Variants in NDUFAF2 observed in about 807,000 individuals in gnomAD.
NDUFAF2 encodes NADH:ubiquinone oxidoreductase complex assembly factor 2.
In NDUFAF2, 13 loss-of-function variants were observed where a neutral mutation model predicts 22.8. That is an observed-to-expected ratio of 0.57 (90% CI 0.37 to 0.91). The LOEUF is 0.91. Among genes scored for constraint, NDUFAF2 ranks in the 40% least tolerant of loss-of-function variants. The pLI, the probability that NDUFAF2 is intolerant of heterozygous loss-of-function variation, is 0.01. For missense variants in NDUFAF2, 162 were observed against 195.2 expected (o/e 0.83, Z 1.01); for synonymous variants, 53 against 64.2 (o/e 0.83, Z 0.84).
At chr5:61,101,553 A>T (rs1473035506) in intron 3 of NDUFAF2, among the ~76,000 whole-genome samples, 1 of 152,214 alleles carries the variant, frequency 6.6e-6, no homozygotes, top group East Asian at 1.9e-4. Context: ...TTCCTGGTGC[A>T]CTTCATCATG....
At chr5:61,008,241 A>T (rs939292607) in intron 1 of NDUFAF2, among the ~76,000 whole-genome samples, 2 of 151,902 alleles carry the variant, frequency 1.3e-5, no homozygotes, top group African/African-American at 2.4e-5. Flanking sequence ...AGCATGGCAC[A>T]TGTATACATA....
intron 1 of NDUFAF2, among the ~76,000 whole-genome samples, chr5:61,049,833 TACAC>T (rs925364411): frequency 4.0e-5 from 6 of 151,112 alleles, no homozygotes; most frequent in South Asian, 2.1e-4. Context: ...TATATATAAA[TACAC>T]ACATACACAA....
At chr5:61,031,069 G>A (rs1343159791) in intron 1 of NDUFAF2, among the ~76,000 whole-genome samples, 1 of 152,048 alleles carries the variant, frequency 6.6e-6, no homozygotes, top group African/African-American at 2.4e-5. Context: ...CTCCTTGAGA[G>A]TATTCGTTAT....
intron 1 of NDUFAF2, among the ~76,000 whole-genome samples, chr5:61,069,828 T>G (rs1230469630): frequency 6.6e-6 from 1 of 152,130 alleles, no homozygotes; most frequent in Non-Finnish European, 1.5e-5. Context: ...CTCCATATAT[T>G]TCTAAACAAA....
chr5:61,034,059 G>A (rs1329065026), intron 1 of NDUFAF2, among the ~76,000 whole-genome samples: 2 of 152,124 alleles, frequency 1.3e-5, no homozygotes, highest in East Asian at 1.9e-4. Flanking sequence ...TACAGCCAAG[G>A]AAGGCAGTGC....
chr5:61,007,515 A>G (rs1751383500), intron 1 of NDUFAF2, among the ~76,000 whole-genome samples: 1 of 152,238 alleles, frequency 6.6e-6, no homozygotes, highest in Non-Finnish European at 1.5e-5. Context: ...ACTTCTCAAA[A>G]GAAGACCTTT....
intron 1 of NDUFAF2, among the ~76,000 whole-genome samples, chr5:61,049,896 C>CAT (rs1292155992): frequency 2.0e-5 from 3 of 150,400 alleles, no homozygotes; most frequent in Non-Finnish European, 4.4e-5. Flanking sequence ...TACACACACA[C>CAT]ACACACACAC....
chr5:61,024,456 C>A (rs1282985768), intron 1 of NDUFAF2, among the ~76,000 whole-genome samples: 1 of 151,380 alleles, frequency 6.6e-6, no homozygotes, highest in Non-Finnish European at 1.5e-5. Context: ...ACTGATAGAC[C>A]CTACCAAGTT....
At position 60,945,374 on chromosome 5, in the gene NDUFAF2, A is replaced by G. The variant is rs776841247; in HGVS notation, c.119A>G (p.Asn40Ser). Residue 40 changes from asparagine (N) to serine (S), a missense_variant, in exon 1 of 4, where the codon AAC becomes AGC. Coordinates refer to ENST00000296597, the MANE Select transcript of NDUFAF2 (RefSeq NM_174889.5). ...NKYYYIPQYK[N>S]WRGQTIREKR... ...TACTACTACATCCCGCAGTACAAGA[A>G]CTGGAGAGGTGAGGTGGCGGCGTGG... 2 of 1,614,022 alleles carry G rather than the reference A, an allele frequency of 1.2e-6. No individual in the cohort carries two copies. Among genetic ancestry groups the G allele is most frequent in the African/African-American group, 2.7e-5 (2 of 74,906 alleles).
chr5:61,002,746 G>A (rs1751313506), intron 1 of NDUFAF2, among the ~76,000 whole-genome samples: 1 of 152,104 alleles, frequency 6.6e-6, no homozygotes, highest in African/African-American at 2.4e-5. Flanking sequence ...GGGGGTTTGA[G>A]CTTCATTTCA....
At chr5:61,143,958 TTTTGTG>T (rs1417021979) in intron 3 of NDUFAF2, among the ~76,000 whole-genome samples, 9,752 of 125,562 alleles carry the variant, frequency 0.078, 520 homozygotes, top group East Asian at 0.21. Flanking sequence ...AATGGCATAT[TTTTGTG>T]TGTGTGTGTG....
intron 1 of NDUFAF2, among the ~76,000 whole-genome samples, chr5:61,023,778 C>G (rs896021843): frequency 6.6e-6 from 1 of 152,042 alleles, no homozygotes; most frequent in Non-Finnish European, 1.5e-5. Context: ...CCACGTTTTT[C>G]TAGTTAATTT....
intron 1 of NDUFAF2, among the ~76,000 whole-genome samples, chr5:60,962,371 C>G (rs1750700182): frequency 6.6e-6 from 1 of 152,122 alleles, no homozygotes; most frequent in Admixed American, 6.5e-5. Context: ...ATTCACTGTC[C>G]TTTAAACACC....
intron 1 of NDUFAF2, among the ~76,000 whole-genome samples, chr5:60,980,659 G>C (rs1750964638): frequency 6.6e-6 from 1 of 152,094 alleles, no homozygotes; most frequent in African/African-American, 2.4e-5. Context: ...CATAGTCCCA[G>C]CTACTCAGAA....
chr5:60,998,763 G>A (rs1751258996), intron 1 of NDUFAF2, among the ~76,000 whole-genome samples: 1 of 151,426 alleles, frequency 6.6e-6, no homozygotes, highest in African/African-American at 2.4e-5. Context: ...CCTTCTCAAT[G>A]TATGACCTAA....
chr5:61,141,547 C>T (rs968399473), intron 3 of NDUFAF2, among the ~76,000 whole-genome samples: 24 of 152,202 alleles, frequency 1.6e-4, no homozygotes, highest in African/African-American at 5.8e-4. Flanking sequence ...CAGCTCTTCC[C>T]TATGGTACCT....
At chr5:61,024,636 A>G (rs1004329165) in intron 1 of NDUFAF2, among the ~76,000 whole-genome samples, 1 of 152,076 alleles carries the variant, frequency 6.6e-6, no homozygotes, top group African/African-American at 2.4e-5. Context: ...CACATGGCAG[A>G]GCTCTATTTA....
Position 61,040,681 on chromosome 5 carries a change from A to G in NDUFAF2, c.128-32444A>G, listed in dbSNP as rs540199927. Among the ~76,000 whole-genome samples, 4 of 152,262 alleles carry G rather than the reference A, an allele frequency of 2.6e-5. No individual in the cohort carries two copies. In the South Asian group the frequency reaches 8.3e-4, roughly 32 times the overall value. ...ACCCCACAAGTATTTATTAGCATATAACTGTGGGATAGTCTTATTTTTTAA... is the reference window on the plus strand; with the variant it reads ...ACCCCACAAGTATTTATTAGCATATGACTGTGGGATAGTCTTATTTTTTAA... On this transcript the variant is annotated intron_variant, in intron 1 of 3. Transcript: ENST00000296597.
chr5:61,047,027 G>T (rs980308833), intron 1 of NDUFAF2, among the ~76,000 whole-genome samples: 10 of 152,172 alleles, frequency 6.6e-5, no homozygotes, highest in African/African-American at 2.2e-4. Flanking sequence ...TCTACAGAGC[G>T]CTAGGGCTAA....
Sources: allele counts gnomAD v4.1 joint callset (sites outside exome capture counted in the v4.1 genomes callset), GRCh38; gene constraint gnomAD v4.1.1; transcripts MANE v1.5; gene names NCBI Gene and HGNC (gene_info 2026-07-23, HGNC 2026-07-21).